The following TTC39A variants were observed in gnomAD, a reference collection of about 807,000 sequenced individuals.
TTC39A encodes tetratricopeptide repeat protein 39A.
In TTC39A, 46 loss-of-function variants were observed where a neutral mutation model predicts 82.3. The observed-to-expected ratio is 0.56, with a 90% CI of 0.44 to 0.71. The LOEUF is 0.71. Ranked by LOEUF, TTC39A falls within the 30% of genes least tolerant of loss-of-function variation. TTC39A has a pLI of 0.00. For missense variants in TTC39A, 543 were observed against 712.9 expected, an observed-to-expected ratio of 0.76 and a Z score of 2.71; for synonymous variants, 254 against 275.2, an observed-to-expected ratio of 0.92 and a Z score of 0.76.
Position 51,312,209 on chromosome 1 carries a change from A to G in TTC39A, c.279-14T>C. 1 of 1,597,664 alleles carries G rather than the reference A, an allele frequency of 6.3e-7. No homozygotes were observed. The highest frequency in any genetic ancestry group is 8.5e-7 in the Non-Finnish European group (1 of 1,172,052). ...TTCCTCCGGTGCCTGAAGAGGAAAA[A>G]GAGGGGCCTCAGGTGAGGATTAGAG... On this transcript the variant is annotated splice_polypyrimidine_tract_variant and intron_variant, in intron 3 of 17. Coordinates refer to ENST00000680483, the MANE Select transcript of TTC39A (RefSeq NM_001297663.2).
intron 1 of TTC39A, among the ~76,000 whole-genome samples, chr1:51,327,699 ATTTT>A (rs558622704): frequency 7.2e-6 from 1 of 138,510 alleles, no homozygotes; most frequent in Non-Finnish European, 1.6e-5. Context: ...ATGTATTGCC[ATTTT>A]TTTTTTTTTT....
chr1:51,288,251 G>T lies in TTC39A; in HGVS notation c.1640C>A (p.Ser547Ter), dbSNP rs756893515. 1.2e-6 allele frequency: 2 copies of T among 1,613,986 alleles called. No homozygotes were observed. Among genetic ancestry groups the T allele is most frequent in the East Asian group, 2.2e-5 (1 of 44,882 alleles). The change falls in exon 18 of 18, where the codon TCA (serine) becomes TAA (stop). Residue 547 changes from serine to a stop codon, truncating the protein, a stop_gained. Coordinates refer to ENST00000680483, the MANE Select transcript of TTC39A (RefSeq NM_001297663.2). LOFTEE classifies it high-confidence loss of function. The surrounding 1 kb of genome is among the most constrained non-coding windows in gnomAD (Gnocchi z 4.8). ...TGCCTGGATTCGAAAGTGTGTCCTTGACTCCATGGAGTAATTCTTGTAGTT... is the reference window on the plus strand; with the variant it reads ...TGCCTGGATTCGAAAGTGTGTCCTTTACTCCATGGAGTAATTCTTGTAGTT... ...KQNYKNYSME[S>*]RTHFRIQAAT... is the part of the protein sequence containing the mutation.
At chr1:51,325,177 A>G (rs1274402440) in intron 1 of TTC39A, among the ~76,000 whole-genome samples, 1 of 150,904 alleles carries the variant, frequency 6.6e-6, no homozygotes, top group African/African-American at 2.4e-5. Flanking sequence ...TCGCTTGAAC[A>G]TGGGAGGCAG....
At chr1:51,342,191 C>T (rs754981870) in intron 1 of TTC39A, among the ~76,000 whole-genome samples, 11 of 152,156 alleles carry the variant, frequency 7.2e-5, no homozygotes, top group Non-Finnish European at 1.5e-4. Context: ...GATGCATGGG[C>T]GTTAGGAACA....
At chr1:51,317,339 G>A (rs901636741) in intron 2 of TTC39A, among the ~76,000 whole-genome samples, 1 of 152,154 alleles carries the variant, frequency 6.6e-6, no homozygotes, top group Non-Finnish European at 1.5e-5. Context: ...GAAGTGCCAG[G>A]GTATCCCCAC....
intron 13 of TTC39A, chr1:51,295,633 G>T (rs1004174349): frequency 5.7e-6 from 1 of 175,868 alleles, no homozygotes; most frequent in South Asian, 1.5e-4. Context: ...AGATGCTGAA[G>T]TTGTCCAAGG....
In TTC39A at chr1:51,325,029, C is replaced by T. The variant is rs1475744036; in HGVS notation, c.42-3204G>A. 3.3e-5 allele frequency among the ~76,000 whole-genome samples: 5 copies of T among 151,056 alleles called. 1 individual carries two copies. The highest frequency in any genetic ancestry group is 2.0e-4 in the Admixed American group (3 of 15,198). ...CAGCATTTTTGGAGGCTGAGGCGGG[C>T]GGATCACCTGAGGTCAGGAGTTCGA... On this transcript the variant is annotated intron_variant, in intron 1 of 17. Coordinates refer to ENST00000680483, the MANE Select transcript of TTC39A (RefSeq NM_001297663.2).
Position 51,296,155 on chromosome 1 carries a change from T to C in TTC39A, c.1069A>G (p.Met357Val). The change falls in exon 13 of 18, where the codon ATG (methionine) becomes GTG (valine). Residue 357 changes from methionine to valine, a missense_variant. Physicochemically the swap from Met to Val is conservative, Grantham distance 21. Transcript: ENST00000680483. ...NCWSKATYIYMKAAYLSMFGK... is the reference protein window; with the variant it reads ...NCWSKATYIYVKAAYLSMFGK... ...AACATGCTGAGGTAGGCGGCCTTCA[T>C]GTAAATGTAGGTGGCCTGTGCGAGA... The C allele has an allele frequency of 1.9e-6, 3 of 1,595,912 alleles. No homozygotes were observed. Among genetic ancestry groups the C allele is most frequent in the Non-Finnish European group, 2.6e-6 (3 of 1,171,442 alleles).
chr1:51,309,377 G>A (rs750958148), intron 5 of TTC39A, 52 bp from the exon 6 acceptor site: 43 of 1,611,822 alleles, frequency 2.7e-5, no homozygotes, highest in East Asian at 2.2e-4. Flanking sequence ...AGCTGCAGGC[G>A]TGAGAGGGAT....
At chr1:51,311,146 G>GGTTGCTATGGGGGATGGGTCACA in intron 5 of TTC39A, 108 bp downstream of exon 5, 1 of 1,052,938 alleles carries the variant, frequency 9.5e-7, no homozygotes, top group Non-Finnish European at 1.4e-6. Flanking sequence ...GATGAGTCGT[G>GGTTGCTATGGGGGATGGGTCACA]GTTGCTATGG....
chr1:51,304,984 G>A (rs919337735), intron 8 of TTC39A, 97 bp downstream of exon 8: 1 of 1,338,046 alleles, frequency 7.5e-7, no homozygotes, highest in Admixed American at 1.8e-5. Context: ...AGCCAGGATG[G>A]GCTCCTAGGC....
chr1:51,322,387 T>G (rs1645562183), intron 1 of TTC39A: 2 of 998,024 alleles, frequency 2.0e-6, no homozygotes, highest in Non-Finnish European at 2.7e-6. Context: ...CTGAGCCCTT[T>G]CCAGTCCTTA....
intron 2 of TTC39A, among the ~76,000 whole-genome samples, chr1:51,317,535 G>C (rs949043418): frequency 4.6e-5 from 7 of 152,222 alleles, no homozygotes. Context: ...GATCGCCTGA[G>C]GTCAGGAGTT....
chr1:51,331,829 T>C (rs1460424229), upstream of TTC39A: 1 of 984,980 alleles, frequency 1.0e-6, no homozygotes, highest in Non-Finnish European at 1.2e-6. Context: ...GGGGAGAGAC[T>C]GGGGAGCTTC....
Position 51,290,057 on chromosome 1 carries a change from A to G in TTC39A, c.1441T>C (p.Tyr481His), listed in dbSNP as rs545023480. The change falls in exon 16 of 18, where the codon TAC becomes CAC. Residue 481 changes from tyrosine to histidine, a missense_variant. Tyr to His is a moderately conservative substitution (Grantham distance 83). Coordinates refer to ENST00000680483, the MANE Select transcript of TTC39A (RefSeq NM_001297663.2). The part of the protein sequence containing the change: ...VKLLKGLCLK[Y>H]LGRVQEAEEN... ...TCGGCCTCCTGGACACGGCCCAGGTATTTCAGACACAGGCCTTTCAACAAT... is the reference window on the plus strand; with the variant it reads ...TCGGCCTCCTGGACACGGCCCAGGTGTTTCAGACACAGGCCTTTCAACAAT... 3 of 1,613,984 alleles carry G rather than the reference A, an allele frequency of 1.9e-6. No individual in the cohort carries two copies. In the Admixed American group the frequency reaches 5.0e-5, roughly 27 times the overall value.
chr1:51,293,066 AT>A (rs566400161), intron 14 of TTC39A, among the ~76,000 whole-genome samples: 9,745 of 130,454 alleles, frequency 0.075, 352 homozygotes, highest in African/African-American at 0.13. Context: ...GCTTTACTGT[AT>A]TTTTTTTTTT....
intron 1 of TTC39A, among the ~76,000 whole-genome samples, chr1:51,344,111 C>G (rs1646068085): frequency 1.3e-5 from 2 of 152,000 alleles, no homozygotes; most frequent in African/African-American, 4.8e-5. Flanking sequence ...GGGATGACTC[C>G]CAGGTTTCGG....
chr1:51,341,548 G>T (rs946288670), intron 1 of TTC39A, among the ~76,000 whole-genome samples: 3 of 152,232 alleles, frequency 2.0e-5, no homozygotes, highest in Middle Eastern at 6.8e-3. Flanking sequence ...AACTGATAGT[G>T]GGACAAAGGT....
At chr1:51,305,049 C>A (rs369215877) in intron 8 of TTC39A, 32 bp downstream of exon 8, 12 of 1,610,912 alleles carry the variant, frequency 7.4e-6, no homozygotes, top group Non-Finnish European at 9.3e-6. Context: ...TGGGGCTGAG[C>A]AGGTCAGGGG....
Sources: allele counts gnomAD v4.1 joint callset (sites outside exome capture counted in the v4.1 genomes callset), GRCh38; gene constraint gnomAD v4.1.1; non-coding constraint Gnocchi (gnomAD v3.1); transcripts MANE v1.5; gene names NCBI Gene and HGNC (gene_info 2026-07-23, HGNC 2026-07-21).